DENND1A: variants seen among roughly 807,000 people sequenced by gnomAD.
DENND1A encodes DENN domain-containing protein 1A.
A neutral mutation model predicts 113.7 loss-of-function variants in DENND1A; 51 were observed. The observed-to-expected ratio is 0.45, with a 90% confidence interval of 0.36 to 0.57. DENND1A has a LOEUF of 0.57. Ranked by LOEUF, DENND1A falls within the 20% of genes least tolerant of loss-of-function variation. The probability of loss-of-function intolerance (pLI) is 0.00; values close to 1 mark genes in which losing one functional copy is unlikely to be tolerated. For missense variants in DENND1A, 1,258 were observed against 1,395.9 expected, an observed-to-expected ratio of 0.90 and a Z score of 1.57; for synonymous variants, 565 against 570.8, an observed-to-expected ratio of 0.99 and a Z score of 0.14.
chr9:123,838,615 T>G (rs1262882336), intron 2 of DENND1A, among the ~76,000 whole-genome samples: 1 of 152,184 alleles, frequency 6.6e-6, no homozygotes, highest in Non-Finnish European at 1.5e-5. Flanking sequence ...ATTTCCCAAA[T>G]GTCCTTAAAT....
chr9:123,840,690 G>A (rs2132952200), intron 2 of DENND1A, among the ~76,000 whole-genome samples: 1 of 152,178 alleles, frequency 6.6e-6, no homozygotes, highest in East Asian at 1.9e-4. Context: ...TATCACATAT[G>A]CTGTATTTTT....
intron 13 of DENND1A, among the ~76,000 whole-genome samples, chr9:123,514,349 A>G (rs1377849211): frequency 6.6e-6 from 1 of 151,670 alleles, no homozygotes; most frequent in Non-Finnish European, 1.5e-5. Context: ...TATGTGAGAG[A>G]GTGGAGGTGG....
intron 13 of DENND1A, among the ~76,000 whole-genome samples, chr9:123,491,386 T>G (rs934120438): frequency 6.6e-6 from 1 of 152,216 alleles, no homozygotes; most frequent in African/African-American, 2.4e-5. Flanking sequence ...CAGAGACATT[T>G]CCTCCTTCAG....
At chr9:123,627,012 G>C (rs544082201) in intron 10 of DENND1A, among the ~76,000 whole-genome samples, 15 of 152,172 alleles carry the variant, frequency 9.9e-5, no homozygotes, top group Non-Finnish European at 2.1e-4. Context: ...GCAGTTGTGG[G>C]AACACAGACC....
chr9:123,472,816 C>T (rs985185127), intron 13 of DENND1A, among the ~76,000 whole-genome samples: 11 of 152,240 alleles, frequency 7.2e-5, no homozygotes, highest in Admixed American at 4.6e-4. Flanking sequence ...GGGCCAGCCA[C>T]GGTTCTCCAG....
At chr9:123,498,935 C>T (rs2052203330) in intron 13 of DENND1A, among the ~76,000 whole-genome samples, 1 of 151,760 alleles carries the variant, frequency 6.6e-6, no homozygotes, top group Non-Finnish European at 1.5e-5. Flanking sequence ...GTTGGCCAGG[C>T]TGGTCTTGAA....
At position 123,507,184 on chromosome 9, in the gene DENND1A, G is replaced by A. The variant is rs1040058039; in HGVS notation, c.994-49287C>T. ...AGCCTGGGCGACAGAGTGAGACTCC[G>A]TCTCAAAAAGACAAAGAAAGAAAGA... On this transcript the variant is annotated intron_variant, in intron 13 of 23. Coordinates refer to ENST00000394215, the MANE Select transcript of DENND1A (RefSeq NM_001352964.2). Among the ~76,000 whole-genome samples, 19 of 152,186 alleles carry A rather than the reference G, an allele frequency of 1.2e-4. 1 individual carries two copies. Among genetic ancestry groups the A allele is most frequent in the Admixed American group, 5.2e-4 (8 of 15,300 alleles).
intron 13 of DENND1A, among the ~76,000 whole-genome samples, chr9:123,493,983 T>C (rs1471119610): frequency 6.6e-6 from 1 of 152,184 alleles, no homozygotes; most frequent in Non-Finnish European, 1.5e-5. Flanking sequence ...GGGGAACTTC[T>C]CTGCACCAGG....
chr9:123,797,074 C>T (rs539297503), intron 2 of DENND1A, among the ~76,000 whole-genome samples: 5 of 152,138 alleles, frequency 3.3e-5, no homozygotes, highest in Non-Finnish European at 7.4e-5. Context: ...ATTTAATGCC[C>T]GCTGAATTTA....
chr9:123,711,491 ATATATATATATATGTATATATG>A (rs1467002245), intron 5 of DENND1A, among the ~76,000 whole-genome samples: 1 of 91,482 alleles, frequency 1.1e-5, no homozygotes, highest in South Asian at 3.3e-4. Context: ...TAAAAAATAT[ATATATATATATATGTATATATG>A]TATATATATA....
chr9:123,735,640 TA>T (rs2068507950), intron 5 of DENND1A, among the ~76,000 whole-genome samples: 1 of 152,228 alleles, frequency 6.6e-6, no homozygotes, highest in Non-Finnish European at 1.5e-5. Flanking sequence ...TTTCCTTTTT[TA>T]AAAGTTTTTA....
intron 13 of DENND1A, among the ~76,000 whole-genome samples, chr9:123,526,457 C>T (rs2054853747): frequency 6.6e-6 from 1 of 152,176 alleles, no homozygotes; most frequent in African/African-American, 2.4e-5. Context: ...ATACAACCAA[C>T]AAACACTGGA....
At chr9:123,538,673 TTA>T (rs2055989155) in intron 13 of DENND1A, among the ~76,000 whole-genome samples, 1 of 148,650 alleles carries the variant, frequency 6.7e-6, no homozygotes, top group South Asian at 2.1e-4. Flanking sequence ...TTAAAAGTAA[TTA>T]AATAAAAAAT....
chr9:123,456,179 G>A (rs1450484500), intron 15 of DENND1A, among the ~76,000 whole-genome samples: 1 of 149,064 alleles, frequency 6.7e-6, no homozygotes, highest in Non-Finnish European at 1.5e-5. Flanking sequence ...TGTATACTGT[G>A]CCTTGCTCTG....
At chr9:123,616,096 G>T (rs2060637493) in intron 10 of DENND1A, among the ~76,000 whole-genome samples, 1 of 152,078 alleles carries the variant, frequency 6.6e-6, no homozygotes, top group Non-Finnish European at 1.5e-5. Flanking sequence ...CGCCTGGCTG[G>T]TTTTTGTATT....
intron 5 of DENND1A, among the ~76,000 whole-genome samples, chr9:123,735,855 C>T (rs762554052): frequency 5.3e-5 from 8 of 151,970 alleles, no homozygotes; most frequent in East Asian, 1.9e-4. Context: ...AAAAATTAGC[C>T]GGGCATGATG....
At chr9:123,894,674 T>C (rs1850442743) in intron 1 of DENND1A, among the ~76,000 whole-genome samples, 2 of 152,226 alleles carry the variant, frequency 1.3e-5, no homozygotes, top group African/African-American at 4.8e-5. Context: ...TTAATTCAAT[T>C]ATAAAAACTA....
rs149390975 is a variant in DENND1A, at chr9:123,422,383, C to A, written c.1489-10554G>T. On this transcript the variant is annotated intron_variant, in intron 19 of 23. Coordinates refer to ENST00000394215, the MANE Select transcript of DENND1A (RefSeq NM_001352964.2). The surrounding 1 kb of genome is among the most constrained non-coding windows in gnomAD (Gnocchi z 4.8). The stretch of plus-strand genomic sequence containing the variant: ...ACAGGTTGAGCCCCAGGGCCATCCC[C>A]CAAAGCAATAGACTTTTTGAGTGGA... Among the ~76,000 whole-genome samples the A allele has an allele frequency of 4.8e-3, 737 of 152,358 alleles. 4 individuals carry two copies. The highest frequency in any genetic ancestry group is 8.8e-3 in the Non-Finnish European group (600 of 68,040).
At chr9:123,728,260 C>G (rs2067859881) in intron 5 of DENND1A, among the ~76,000 whole-genome samples, 1 of 151,374 alleles carries the variant, frequency 6.6e-6, no homozygotes, top group African/African-American at 2.4e-5. Context: ...GGCAGACAAC[C>G]TGAGGTCAGG....
Sources: allele counts gnomAD v4.1 joint callset (sites outside exome capture counted in the v4.1 genomes callset), GRCh38; gene constraint gnomAD v4.1.1; non-coding constraint Gnocchi (gnomAD v3.1); transcripts MANE v1.5; gene names NCBI Gene and HGNC (gene_info 2026-07-23, HGNC 2026-07-21).